Variants in HRH3 observed in about 807,000 individuals in gnomAD.
HRH3 encodes the protein histamine receptor H3, also known as histamine H3 receptor.
In HRH3, 13 loss-of-function variants were observed where a neutral mutation model predicts 21.6. That is an observed-to-expected ratio of 0.60 (90% CI 0.39 to 0.96). The LOEUF (loss-of-function observed/expected upper bound fraction) is 0.96, where lower values mean the gene tolerates loss of function less well. Ranked by LOEUF, HRH3 falls within the 40% of genes least tolerant of loss-of-function variation. HRH3 has a pLI of 0.00. For missense variants in HRH3, 461 were observed against 622.7 expected, an observed-to-expected ratio of 0.74 and a Z score of 2.76; for synonymous variants, 276 against 290.3, an observed-to-expected ratio of 0.95 and a Z score of 0.50.
chr20:62,218,743 G>T lies in HRH3; in HGVS notation c.251-86C>A. 7.5e-7 allele frequency: 1 copy of T among 1,331,160 alleles called. No homozygotes were observed. The highest frequency in any genetic ancestry group is 1.0e-6 in the Non-Finnish European group (1 of 966,712). 82.5% of individuals were successfully genotyped at this position (1,331,160 alleles called of 1,614,324 possible). A position where few individuals can be genotyped will look rare whatever the true frequency, so the allele number is the denominator to read the frequency against. ...AAGCGCAGACACCGGCGGGACCTGG[G>T]GTCACATGGTGGCTGCTTTTCTGGA... On this transcript the variant is annotated intron_variant, in intron 1 of 2. Transcript: ENST00000340177. The surrounding 1 kb of genome is among the most constrained non-coding windows in gnomAD (Gnocchi z 5.6).
In HRH3 at chr20:62,215,404, T is replaced by C. The variant is rs200791810; in HGVS notation, c.*602A>G. ...TCACAGACATGTTTTCTTCTTCATC[T>C]TTCTGAAAACACCCAGAATGGAAAA... On this transcript the variant is annotated 3_prime_UTR_variant, in exon 3 of 3. Transcript: ENST00000340177. 60 of 456,916 alleles carry C rather than the reference T, an allele frequency of 1.3e-4. No individual in the cohort carries two copies. The highest frequency in any genetic ancestry group is 8.8e-6 in the Non-Finnish European group (2 of 227,096). The allele number at this position is 456,916 out of a possible 1,614,324, so 28.3% of individuals were successfully genotyped here. A position where few individuals can be genotyped will look rare whatever the true frequency, so the allele number is the denominator to read the frequency against.
rs187260304 is a variant in HRH3, at chr20:62,218,877, G to T, written c.251-220C>A. On this transcript the variant is annotated intron_variant, in intron 1 of 2. Transcript: ENST00000340177. The surrounding 1 kb of genome is among the most constrained non-coding windows in gnomAD (Gnocchi z 5.6). ...TCCCAGCACTATCTGTGTCCCCTGG[G>T]CCTGGGGGCAGGAGGGATGATCCAG... Among the ~76,000 whole-genome samples the T allele has an allele frequency of 3.6e-4, 55 of 151,968 alleles. No individual in the cohort carries two copies. The East Asian group carries it at 0.01, about 28-fold the overall frequency.
rs764886361 is a variant in HRH3 at position 62,216,638 on chromosome 20, C to T, written c.706G>A (p.Ala236Thr). The change falls in exon 3 of 3, where the codon GCT becomes ACT. Residue 236 changes from alanine (A) to threonine (T), a missense_variant. Around this residue, in one of 6 missense-constraint regions of HRH3, gnomAD observed 163 missense variants for 139.4 expected, o/e 1.17. Coordinates refer to ENST00000340177, the MANE Select transcript of HRH3 (RefSeq NM_007232.3). The part of the protein sequence containing the change: ...QRRTRLRLDG[A>T]REAAGPEPPP... ...GGCTCGGGGCCGGCTGCCTCTCGAG[C>T]CCCATCCAGCCGGAGGCGGGTGCGC... is the stretch of plus-strand genomic sequence containing the variant. 3.1e-6 allele frequency: 5 copies of T among 1,612,374 alleles called. No homozygotes were observed. Among genetic ancestry groups the T allele is most frequent in the East Asian group, 2.2e-5 (1 of 44,882 alleles).
Position 62,215,827 on chromosome 20 carries a change from C to G in HRH3, c.*179G>C. 1.5e-6 allele frequency: 1 copy of G among 657,520 alleles called. No homozygotes were observed. The highest frequency in any genetic ancestry group is 2.5e-6 in the Non-Finnish European group (1 of 392,790). The allele number at this position is 657,520 out of a possible 1,614,324, so 40.7% of individuals were successfully genotyped here. On this transcript the variant is annotated 3_prime_UTR_variant, in exon 3 of 3. Transcript: ENST00000340177. ...CCTCCAGTCCAGCCAGTGAGGGGCC[C>G]TCTGGCCAACCCAGGAAGGCGCCTC...
Position 62,218,437 on chromosome 20 carries a change from G to C in HRH3, c.417+54C>G. On this transcript the variant is annotated intron_variant, in intron 2 of 2. Coordinates refer to ENST00000340177, the MANE Select transcript of HRH3 (RefSeq NM_007232.3). This position sits in a 1 kb window ranked among gnomAD's most constrained non-coding sequence, Gnocchi z 5.6. ...CGTCCCCACCCAGGTGCCTCCCATG[G>C]GCGTCCCGACTGTCCCTGCGGAGTG... 6.4e-7 allele frequency: 1 copy of C among 1,574,362 alleles called. No homozygotes were observed. Among genetic ancestry groups the C allele is most frequent in the Non-Finnish European group, 8.6e-7 (1 of 1,163,098 alleles).
Position 62,215,412 on chromosome 20 carries a change from A to G in HRH3, c.*594T>C. The G allele has an allele frequency of 2.2e-6, 1 of 457,068 alleles. No individual in the cohort carries two copies. The highest frequency in any genetic ancestry group is 4.4e-6 in the Non-Finnish European group (1 of 227,126). 28.3% of individuals were successfully genotyped at this position (457,068 alleles called of 1,614,324 possible). ...ATGTTTTCTTCTTCATCTTTCTGAA[A>G]ACACCCAGAATGGAAAAGCAGAGAA... On this transcript the variant is annotated 3_prime_UTR_variant, in exon 3 of 3. Coordinates refer to ENST00000340177, the MANE Select transcript of HRH3 (RefSeq NM_007232.3).
Position 62,215,791 on chromosome 20 carries a change from C to G in HRH3, c.*215G>C. 1 of 586,136 alleles carries G rather than the reference C, an allele frequency of 1.7e-6. No individual in the cohort carries two copies. The highest frequency in any genetic ancestry group is 3.0e-6 in the Non-Finnish European group (1 of 331,422). 36.3% of individuals were successfully genotyped at this position (586,136 alleles called of 1,614,324 possible). A position where few individuals can be genotyped will look rare whatever the true frequency, so the allele number is the denominator to read the frequency against. ...GGAGCCAGAATGTGGGGGGCAGGGC[C>G]GGCCACCCAGCCTCCAGTCCAGCCA... On this transcript the variant is annotated 3_prime_UTR_variant, in exon 3 of 3. Transcript: ENST00000340177.
In HRH3 at chr20:62,219,956, C is replaced by A. The variant is rs938929314; in HGVS notation, c.15G>T (p.Pro5=). 3.7e-6 allele frequency: 4 copies of A among 1,071,880 alleles called. No homozygotes were observed. Among genetic ancestry groups the A allele is most frequent in the African/African-American group, 3.4e-5 (2 of 58,674 alleles). The allele number at this position is 1,071,880 out of a possible 1,614,324, so 66.4% of individuals were successfully genotyped here. The stretch of plus-strand genomic sequence containing the variant: ...CCGAAGCGTTCAGCGGCCCGTCGGG[C>A]GGCGCGCGCTCCATGGCCCCGCAGG... MERA[P]PDGPLNASGA... Residue 5 remains proline (P), a synonymous_variant, in exon 1 of 3, where the codon CCG becomes CCT. Coordinates refer to ENST00000340177, the MANE Select transcript of HRH3 (RefSeq NM_007232.3). This position sits in a 1 kb window ranked among gnomAD's most constrained non-coding sequence, Gnocchi z 8.7.
rs1021982185 is a variant in HRH3, at chr20:62,219,464, C to T, written c.250+257G>A. The stretch of plus-strand genomic sequence containing the variant: ...CAGGAGCCAGAGCTGCACCCGCTGC[C>T]TTTGCGCCTTGCGCCTCGCCCAGTG... On this transcript the variant is annotated intron_variant, in intron 1 of 2. Coordinates refer to ENST00000340177, the MANE Select transcript of HRH3 (RefSeq NM_007232.3). This position sits in a 1 kb window ranked among gnomAD's most constrained non-coding sequence, Gnocchi z 8.7. Among the ~76,000 whole-genome samples, 7 of 152,238 alleles carry T rather than the reference C, an allele frequency of 4.6e-5. No individual in the cohort carries two copies. Among genetic ancestry groups the T allele is most frequent in the Non-Finnish European group, 8.8e-5 (6 of 68,034 alleles).
At position 62,219,675 on chromosome 20, in the gene HRH3, C is replaced by T; in HGVS notation, c.250+46G>A. Reference sequence around the variant, plus strand: ...GTTCCAGTCCCCGCTGGCCCGGCCACGCTGGGCGCCCCTGGGTCCCCAGCG... The same window carrying T: ...GTTCCAGTCCCCGCTGGCCCGGCCATGCTGGGCGCCCCTGGGTCCCCAGCG... On this transcript the variant is annotated intron_variant, in intron 1 of 2. Coordinates refer to ENST00000340177, the MANE Select transcript of HRH3 (RefSeq NM_007232.3). This position sits in a 1 kb window ranked among gnomAD's most constrained non-coding sequence, Gnocchi z 8.7. The T allele has an allele frequency of 2.6e-6, 4 of 1,549,278 alleles. No homozygotes were observed. Among genetic ancestry groups the T allele is most frequent in the Non-Finnish European group, 3.5e-6 (4 of 1,148,640 alleles).
In HRH3 at chr20:62,215,798, C is replaced by G. The variant is rs1202301071; in HGVS notation, c.*208G>C. On this transcript the variant is annotated 3_prime_UTR_variant, in exon 3 of 3. Transcript: ENST00000340177. ...GAATGTGGGGGGCAGGGCCGGCCAC[C>G]CAGCCTCCAGTCCAGCCAGTGAGGG... The G allele has an allele frequency of 1.7e-6, 1 of 595,842 alleles. No homozygotes were observed. The highest frequency in any genetic ancestry group is 2.9e-6 in the Non-Finnish European group (1 of 339,300). The allele number at this position is 595,842 out of a possible 1,614,324, so 36.9% of individuals were successfully genotyped here. A position where few individuals can be genotyped will look rare whatever the true frequency, so the allele number is the denominator to read the frequency against.
In HRH3 at chr20:62,216,436, G is replaced by C; in HGVS notation, c.908C>G (p.Pro303Arg). 6.5e-7 allele frequency: 1 copy of C among 1,538,440 alleles called. No individual in the cohort carries two copies. Among genetic ancestry groups the C allele is most frequent in the Non-Finnish European group, 8.8e-7 (1 of 1,138,854 alleles). The stretch of plus-strand genomic sequence containing the variant: ...CGAGGAGCTGCCGGAGCTGGAGGTG[G>C]GTGAAGCCACGGAGCCGCCCCCACC... ...GGGGGGSVAS[P>R]TSSSGSSSRG... Residue 303 changes from proline to arginine, a missense_variant, in exon 3 of 3, where the codon CCC becomes CGC. Pro to Arg is a moderately radical substitution (Grantham distance 103). Transcript: ENST00000340177.
In HRH3 at chr20:62,216,268, G is replaced by C; in HGVS notation, c.1076C>G (p.Ser359Trp). 2 of 1,611,976 alleles carry C rather than the reference G, an allele frequency of 1.2e-6. No individual in the cohort carries two copies. The highest frequency in any genetic ancestry group is 8.5e-7 in the Non-Finnish European group (1 of 1,179,234). Residue 359 changes from serine to tryptophan, a missense_variant, in exon 3 of 3, where the codon TCG becomes TGG. By Grantham distance (177) the Ser-to-Trp change is radical (BLOSUM62 -3). Coordinates refer to ENST00000340177, the MANE Select transcript of HRH3 (RefSeq NM_007232.3). Reference sequence around the variant, plus strand: ...AAAGATGCTCACGATGACGGCCAGCGACTTGGCCACTTTCCTGTCCCGAGA... The same window carrying C: ...AAAGATGCTCACGATGACGGCCAGCCACTTGGCCACTTTCCTGTCCCGAGA... ...RLSRDRKVAK[S>W]LAVIVSIFGL... is the part of the protein sequence containing the mutation.
chr20:62,216,921 T>G lies in HRH3; in HGVS notation c.423A>C (p.Ser141=). ...DRFLSVTRAV[S]YRAQQGDTRR... ...GCGTGTCACCCTGCTGGGCCCGGTA[T>G]GAGACCTGCAGAAGGGCAGGCTGGT... is the stretch of plus-strand genomic sequence containing the variant. Residue 141 remains serine, a synonymous_variant, in exon 3 of 3, where the codon TCA becomes TCC. Transcript: ENST00000340177. The G allele has an allele frequency of 6.2e-7, 1 of 1,600,204 alleles. No individual in the cohort carries two copies. The highest frequency in any genetic ancestry group is 8.5e-7 in the Non-Finnish European group (1 of 1,172,004).
chr20:62,216,380 T>A lies in HRH3; in HGVS notation c.964A>T (p.Arg322Trp), dbSNP rs199911272. 6.4e-7 allele frequency: 1 copy of A among 1,560,640 alleles called. No homozygotes were observed. The highest frequency in any genetic ancestry group is 1.2e-5 in the South Asian group (1 of 85,966). The change falls in exon 3 of 3, where the codon AGG (arginine) becomes TGG (tryptophan). Residue 322 changes from arginine (R) to tryptophan (W), a missense_variant. Physicochemically the swap from Arg to Trp is moderately radical, Grantham distance 101 (BLOSUM62 -3). Transcript: ENST00000340177. ...GAGGACGCCGACGGCTTGGAGCCCC[T>A]CTTGAGTGAGCGCGGCCTCTCAGTG... The part of the protein sequence containing the change: ...RGTERPRSLK[R>W]GSKPSASSAS...
chr20:62,216,916 C>G lies in HRH3; in HGVS notation c.428G>C (p.Arg143Pro), dbSNP rs201618826. 4 of 1,601,866 alleles carry G rather than the reference C, an allele frequency of 2.5e-6. No homozygotes were observed. Among genetic ancestry groups the G allele is most frequent in the Middle Eastern group, 1.8e-4 (1 of 5,676 alleles). The change falls in exon 3 of 3, where the codon CGG (arginine) becomes CCG (proline). Residue 143 changes from arginine to proline, a missense_variant. Physicochemically the swap from Arg to Pro is moderately radical, Grantham distance 103 (BLOSUM62 -2). Coordinates refer to ENST00000340177, the MANE Select transcript of HRH3 (RefSeq NM_007232.3). The part of the protein sequence containing the change: ...FLSVTRAVSY[R>P]AQQGDTRRAV... ...CCGCCGCGTGTCACCCTGCTGGGCC[C>G]GGTATGAGACCTGCAGAAGGGCAGG...
At chr20:62,217,332 C>A (rs914376333) in intron 2 of HRH3, among the ~76,000 whole-genome samples, 2 of 152,232 alleles carry the variant, frequency 1.3e-5, no homozygotes, top group Non-Finnish European at 2.9e-5. Context: ...CTGCAAAGGC[C>A]CGAGCCATCT....
Position 62,216,523 on chromosome 20 carries a change from C to T in HRH3, c.821G>A (p.Arg274Lys), listed in dbSNP as rs1236948782. 7 of 1,598,450 alleles carry T rather than the reference C, an allele frequency of 4.4e-6. No homozygotes were observed. The highest frequency in any genetic ancestry group is 4.0e-5 in the African/African-American group (3 of 74,588). The stretch of plus-strand genomic sequence containing the variant: ...TACGGCCGCCTCACCCACCCCATAC[C>T]TGTGCAGCGGCATGGCCTCCCCGTG... ...KGHGEAMPLHRYGVGEAAVGA... is the reference protein window; with the variant it reads ...KGHGEAMPLHKYGVGEAAVGA... Residue 274 changes from arginine (R) to lysine (K), a missense_variant, in exon 3 of 3, where the codon AGG (arginine) becomes AAG (lysine). Physicochemically the swap from Arg to Lys is conservative, Grantham distance 26. Coordinates refer to ENST00000340177, the MANE Select transcript of HRH3 (RefSeq NM_007232.3).
In HRH3 at chr20:62,215,138, G is replaced by C. The variant is rs1317190214; in HGVS notation, c.*868C>G. ...GCACGCCTTGGGACCCTCGGGCCCA[G>C]CCGGGCCCCCTCCTCCCAACAACCC... On this transcript the variant is annotated 3_prime_UTR_variant, in exon 3 of 3. Coordinates refer to ENST00000340177, the MANE Select transcript of HRH3 (RefSeq NM_007232.3). 2 of 356,898 alleles carry C rather than the reference G, an allele frequency of 5.6e-6. No individual in the cohort carries two copies. Among genetic ancestry groups the C allele is most frequent in the African/African-American group, 4.3e-5 (2 of 46,714 alleles). The allele number at this position is 356,898 out of a possible 1,614,324, so 22.1% of individuals were successfully genotyped here.
Sources: allele counts gnomAD v4.1 joint callset (sites outside exome capture counted in the v4.1 genomes callset), GRCh38; gene constraint gnomAD v4.1.1; regional missense constraint gnomAD v4.1.1; non-coding constraint Gnocchi (gnomAD v3.1); transcripts MANE v1.5; gene names NCBI Gene and HGNC (gene_info 2026-07-23, HGNC 2026-07-21).